Variants in NFIX observed in about 807,000 individuals in gnomAD.
The protein encoded by NFIX is nuclear factor 1 X-type.
A neutral mutation model predicts 53.3 loss-of-function variants in NFIX; 2 were observed. That is an observed-to-expected ratio of 0.04 (90% confidence interval 0.02 to 0.12). The LOEUF is 0.12. NFIX is among the 10% of genes least tolerant of loss of function. NFIX has a pLI of 1.00. For missense variants in NFIX, 310 were observed against 674.5 expected (o/e 0.46, Z 5.99); for synonymous variants, 244 against 289.0 (o/e 0.84, Z 1.58).
At chr19:13,003,644 A>C (rs957655543) in intron 1 of NFIX, among the ~76,000 whole-genome samples, 2 of 146,804 alleles carry the variant, frequency 1.4e-5, no homozygotes, top group African/African-American at 5.0e-5. Flanking sequence ...GTCTGGAAAC[A>C]TTTTTTTTTT....
chr19:13,061,030 G>A (rs1212665135), intron 2 of NFIX, among the ~76,000 whole-genome samples: 1 of 152,150 alleles, frequency 6.6e-6, no homozygotes, highest in Non-Finnish European at 1.5e-5. Context: ...CTGCCAAAAG[G>A]TGAGGGCATC....
chr19:13,015,099 G>A (rs1327560675), intron 1 of NFIX, among the ~76,000 whole-genome samples: 1 of 152,098 alleles, frequency 6.6e-6, no homozygotes, highest in South Asian at 2.1e-4. Flanking sequence ...TGCTTCAGGT[G>A]TTTTTCATTA....
At position 13,073,459 on chromosome 19, in the gene NFIX, G is replaced by A. The variant is rs915211281; in HGVS notation, c.660G>A (p.Gly220=). The A allele has an allele frequency of 6.2e-7, 1 of 1,613,970 alleles. No homozygotes were observed. The highest frequency in any genetic ancestry group is 8.5e-7 in the Non-Finnish European group (1 of 1,179,870). The change falls in exon 4 of 11, where the codon GGG becomes GGA. Residue 220 remains glycine (G), a synonymous_variant. Transcript: ENST00000592199. The surrounding 1 kb of genome is among the most constrained non-coding windows in gnomAD (Gnocchi z 4.5). ...LSFQDCFVTS[G]VWNVTELVRV... ...TCCAGGACTGTTTTGTGACTTCCGGGGTCTGGAATGTGACGGAGCTGGTGA... is the reference window on the plus strand; with the variant it reads ...TCCAGGACTGTTTTGTGACTTCCGGAGTCTGGAATGTGACGGAGCTGGTGA...
rs753000472 is a variant in NFIX at position 13,067,463 on chromosome 19, CGT to C, written c.560-5566_560-5565del. 0.015 allele frequency among the ~76,000 whole-genome samples: 1,939 copies of C among 130,688 alleles called. 16 individuals carry two copies. Among genetic ancestry groups the C allele is most frequent in the Middle Eastern group, 0.033 (8 of 246 alleles). The allele number at this position is 130,688 out of a possible 152,430, so 85.7% of individuals were successfully genotyped here. A position where few individuals can be genotyped will look rare whatever the true frequency, so the allele number is the denominator to read the frequency against. On this transcript the variant is annotated intron_variant, in intron 2 of 10. Coordinates refer to ENST00000592199, the MANE Select transcript of NFIX (RefSeq NM_001365902.3). The surrounding 1 kb of genome is among the most constrained non-coding windows in gnomAD (Gnocchi z 4.2). ...AGTGGCACCTCCGTGTGTGTGCGCG[CGT>C]GTGTGTGTGTGTGTGTGCGTGTGTG... is the stretch of plus-strand genomic sequence containing the variant.
At chr19:13,059,443 GGCC>G (rs2015919229) in intron 2 of NFIX, among the ~76,000 whole-genome samples, 1 of 152,210 alleles carries the variant, frequency 6.6e-6, no homozygotes, top group Admixed American at 6.5e-5. Flanking sequence ...GGGAGGTTAG[GGCC>G]TCCTGAGGAG....
At chr19:13,018,552 G>A (rs1033496083) in intron 1 of NFIX, among the ~76,000 whole-genome samples, 9 of 152,172 alleles carry the variant, frequency 5.9e-5, no homozygotes, top group African/African-American at 1.4e-4. Context: ...GAGCTCCCTC[G>A]CAAAGTGCAT....
At chr19:13,023,094 C>CTCTCTCTCTCTCTCTG (rs1223921340) in intron 1 of NFIX, among the ~76,000 whole-genome samples, 4 of 150,856 alleles carry the variant, frequency 2.7e-5, no homozygotes, top group Admixed American at 1.3e-4. Flanking sequence ...CTCTCTCTCT[C>CTCTCTCTCTCTCTCTG]TCTGTCTCTT....
intron 8 of NFIX, among the ~76,000 whole-genome samples, chr19:13,087,743 CT>C (rs1370180985): frequency 1.3e-5 from 2 of 148,612 alleles, no homozygotes; most frequent in Non-Finnish European, 3.0e-5. Context: ...CGAACACCCC[CT>C]CCCTCCCTCC....
At chr19:13,038,844 G>A (rs901370173) in intron 2 of NFIX, among the ~76,000 whole-genome samples, 1 of 152,198 alleles carries the variant, frequency 6.6e-6, no homozygotes, top group Non-Finnish European at 1.5e-5. Context: ...GCCAGAGAGA[G>A]GGGATCAGCT....
rs977568087 is a variant in NFIX at position 13,088,659 on chromosome 19, C to T, written c.1402+523C>T. 5.9e-5 allele frequency among the ~76,000 whole-genome samples: 9 copies of T among 151,880 alleles called. No homozygotes were observed. The South Asian group carries it at 1.5e-3, about 25-fold the overall frequency. On this transcript the variant is annotated intron_variant, in intron 9 of 10. Coordinates refer to ENST00000592199, the MANE Select transcript of NFIX (RefSeq NM_001365902.3). This position sits in a 1 kb window ranked among gnomAD's most constrained non-coding sequence, Gnocchi z 5.9. ...CCTTGGGCCTCAAAGACGCAGCAGG[C>T]CAGCCCGACCCCTTCCCCCTCAGTC...
In NFIX at chr19:13,051,121, C is replaced by G. The variant is rs2145316464; in HGVS notation, c.560-21926C>G. ...GCAGGGGAGCCACGGAGTAGCTGCC[C>G]CATGGCTTGGGTACTGTGCTGCAGA... On this transcript the variant is annotated intron_variant, in intron 2 of 10. Transcript: ENST00000592199. The surrounding 1 kb of genome is among the most constrained non-coding windows in gnomAD (Gnocchi z 5.1). Among the ~76,000 whole-genome samples the G allele has an allele frequency of 6.6e-6, 1 of 152,322 alleles. No homozygotes were observed. Among genetic ancestry groups the G allele is most frequent in the South Asian group, 2.1e-4 (1 of 4,828 alleles).
chr19:13,090,504 G>C lies in NFIX; in HGVS notation c.1494+114G>C. 1 of 1,013,144 alleles carries C rather than the reference G, an allele frequency of 9.9e-7. No homozygotes were observed. Among genetic ancestry groups the C allele is most frequent in the East Asian group, 2.4e-5 (1 of 41,146 alleles). The allele number at this position is 1,013,144 out of a possible 1,614,324, so 62.8% of individuals were successfully genotyped here. A position where few individuals can be genotyped will look rare whatever the true frequency, so the allele number is the denominator to read the frequency against. Reference sequence around the variant, plus strand: ...TCCTTGGGGCTAACAGGGAGAGAGAGGTCTGAGGTGGGGCTGGAGGGCCCA... The same window carrying C: ...TCCTTGGGGCTAACAGGGAGAGAGACGTCTGAGGTGGGGCTGGAGGGCCCA... On this transcript the variant is annotated intron_variant, in intron 10 of 10. Coordinates refer to ENST00000592199, the MANE Select transcript of NFIX (RefSeq NM_001365902.3). The surrounding 1 kb of genome is among the most constrained non-coding windows in gnomAD (Gnocchi z 6.6).
rs1234410305 is a variant in NFIX at position 13,022,747 on chromosome 19, A to AT, written c.28-2271dup. Among the ~76,000 whole-genome samples, 3 of 151,942 alleles carry AT rather than the reference A, an allele frequency of 2.0e-5. No individual in the cohort carries two copies. The highest frequency in any genetic ancestry group is 4.4e-5 in the Non-Finnish European group (3 of 67,952). On this transcript the variant is annotated intron_variant, in intron 1 of 10. Transcript: ENST00000592199. This position sits in a 1 kb window ranked among gnomAD's most constrained non-coding sequence, Gnocchi z 4.5. ...CCAGCCCGCCGGGAGTCAGGCCTTT[A>AT]TTTATTTATTTTTCAGGCTTAAAAA...
At chr19:13,053,989 C>A (rs912450578) in intron 2 of NFIX, among the ~76,000 whole-genome samples, 1 of 152,092 alleles carries the variant, frequency 6.6e-6, no homozygotes, top group African/African-American at 2.4e-5. Context: ...GCCTACTGGC[C>A]TGCGGCCAGC....
At position 13,006,798 on chromosome 19, in the gene NFIX, C is replaced by T. The variant is rs907944330; in HGVS notation, c.27+10934C>T. ...GGCTTGAGAGCTCTGGGCTGGGGCC[C>T]GGCGGGGTCGGCACTGCAGGCTGGC... On this transcript the variant is annotated intron_variant, in intron 1 of 10. Coordinates refer to ENST00000592199, the MANE Select transcript of NFIX (RefSeq NM_001365902.3). The surrounding 1 kb of genome is among the most constrained non-coding windows in gnomAD (Gnocchi z 5.6). Among the ~76,000 whole-genome samples, 7 of 152,358 alleles carry T rather than the reference C, an allele frequency of 4.6e-5. No individual in the cohort carries two copies. The highest frequency in any genetic ancestry group is 2.1e-4 in the South Asian group (1 of 4,834).
intron 2 of NFIX, among the ~76,000 whole-genome samples, chr19:13,057,027 G>A (rs1476595698): frequency 6.6e-6 from 1 of 152,232 alleles, no homozygotes; most frequent in Admixed American, 6.5e-5. Flanking sequence ...TAGAGATGTT[G>A]CTTAGGGAGG....
intron 1 of NFIX, among the ~76,000 whole-genome samples, chr19:13,017,822 C>T (rs2012749337): frequency 6.6e-6 from 1 of 152,234 alleles, no homozygotes; most frequent in South Asian, 2.1e-4. Context: ...AGTTCTTCTT[C>T]AGAAAGAGTT....
In NFIX at chr19:13,088,837, TTC is replaced by T. The variant is rs1249756952; in HGVS notation, c.1402+703_1402+704del. On this transcript the variant is annotated intron_variant, in intron 9 of 10. Coordinates refer to ENST00000592199, the MANE Select transcript of NFIX (RefSeq NM_001365902.3). This position sits in a 1 kb window ranked among gnomAD's most constrained non-coding sequence, Gnocchi z 5.9. ...ACTTCATCTCTCTCTCTGTCTCTCT[TTC>T]TTTTCTTTTCTTTTCTTTTTTTTTC... 2.0e-5 allele frequency among the ~76,000 whole-genome samples: 3 copies of T among 147,344 alleles called. No homozygotes were observed. The highest frequency in any genetic ancestry group is 3.1e-5 in the Non-Finnish European group (2 of 64,460).
chr19:13,033,937 C>T (rs1359218759), intron 2 of NFIX, among the ~76,000 whole-genome samples: 1 of 152,200 alleles, frequency 6.6e-6, no homozygotes, highest in East Asian at 1.9e-4. Context: ...CTGATTCCCT[C>T]CTCACAATGG....
Sources: allele counts gnomAD v4.1 joint callset (sites outside exome capture counted in the v4.1 genomes callset), GRCh38; gene constraint gnomAD v4.1.1; non-coding constraint Gnocchi (gnomAD v3.1); transcripts MANE v1.5; gene names NCBI Gene and HGNC (gene_info 2026-07-23, HGNC 2026-07-21).